MSRA: variants seen among roughly 807,000 people sequenced by gnomAD.
The protein encoded by MSRA is methionine sulfoxide reductase A.
MSRA carries 54 observed loss-of-function variants against 31.3 expected under a neutral mutation model. The observed-to-expected ratio is 1.73, with a 90% CI of 1.39 to 2.17. The LOEUF (loss-of-function observed/expected upper bound fraction) is 2.17. MSRA is among the 30% of genes most tolerant of loss of function. MSRA has a pLI of 0.00. For missense variants in MSRA, 507 were observed against 300.9 expected (o/e 1.69, Z -5.07); for synonymous variants, 169 against 116.5 (o/e 1.45, Z -2.90).
chr8:10,251,682 C>T (rs536728607), intron 3 of MSRA, among the ~76,000 whole-genome samples: 72 of 152,274 alleles, frequency 4.7e-4, no homozygotes, highest in African/African-American at 1.7e-3. Flanking sequence ...AACCATCTTC[C>T]CCACACCCAC....
At chr8:10,392,067 T>C (rs969032036) in intron 5 of MSRA, among the ~76,000 whole-genome samples, 1 of 152,162 alleles carries the variant, frequency 6.6e-6, no homozygotes. Context: ...TTGGTGGACC[T>C]CAGCCTCCCC....
intron 5 of MSRA, chr8:10,411,006 T>A (rs12156350): frequency 6.8e-6 from 1 of 148,036 alleles, no homozygotes; most frequent in African/African-American, 2.5e-5. Context: ...TTCTCGTCTT[T>A]CCTTCCTCCT....
Position 10,221,351 on chromosome 8 carries a change from G to A in MSRA, c.211+13450G>A, listed in dbSNP as rs147308399. 5.5e-4 allele frequency among the ~76,000 whole-genome samples: 83 copies of A among 151,960 alleles called. 1 individual carries two copies. The East Asian group carries it at 0.014, about 26-fold the overall frequency. On this transcript the variant is annotated intron_variant, in intron 2 of 5. Coordinates refer to ENST00000317173, the MANE Select transcript of MSRA (RefSeq NM_012331.5). Reference sequence around the variant, plus strand: ...TTTTAATCTACCTTGCAATGAAGAGGCTGTTAAACACTTGTACCAGCACCA... The same window carrying A: ...TTTTAATCTACCTTGCAATGAAGAGACTGTTAAACACTTGTACCAGCACCA...
intron 3 of MSRA, among the ~76,000 whole-genome samples, chr8:10,265,634 A>C (rs1350706601): frequency 6.6e-6 from 1 of 152,188 alleles, no homozygotes; most frequent in Non-Finnish European, 1.5e-5. Flanking sequence ...TAAAGTACAT[A>C]TTTTAAAGTG....
chr8:10,100,683 C>T, intron 1 of MSRA, among the ~76,000 whole-genome samples: 1 of 152,126 alleles, frequency 6.6e-6, no homozygotes, highest in East Asian at 1.9e-4. Flanking sequence ...ATTGTACCAC[C>T]TCTGCAAAGC....
rs555104990 is a variant in MSRA at position 10,289,215 on chromosome 8, A to G, written c.332-12319A>G. 2.8e-4 allele frequency among the ~76,000 whole-genome samples: 43 copies of G among 152,002 alleles called. 1 individual carries two copies. Among genetic ancestry groups the G allele is most frequent in the African/African-American group, 8.2e-4 (34 of 41,468 alleles). The stretch of plus-strand genomic sequence containing the variant: ...ATTTTTAGTAGAGACGGATTTCACC[A>G]TGTTGGCCAGGATGGTCTTGATATC... On this transcript the variant is annotated intron_variant, in intron 3 of 5. Coordinates refer to ENST00000317173, the MANE Select transcript of MSRA (RefSeq NM_012331.5).
intron 5 of MSRA, among the ~76,000 whole-genome samples, chr8:10,340,012 G>A (rs1803321696): frequency 2.0e-5 from 3 of 152,144 alleles, no homozygotes. Context: ...CCTTGTGTGT[G>A]TCTACAATGA....
intron 1 of MSRA, among the ~76,000 whole-genome samples, chr8:10,074,850 G>C (rs1053495268): frequency 6.6e-6 from 1 of 151,974 alleles, no homozygotes; most frequent in Non-Finnish European, 1.5e-5. Flanking sequence ...CCAGAGACGG[G>C]GGTTCACCGT....
chr8:10,356,909 A>AAT (rs796169872), intron 5 of MSRA, among the ~76,000 whole-genome samples: 2 of 77,666 alleles, frequency 2.6e-5, no homozygotes. Context: ...AAAAAAAAAA[A>AAT]ATATATGTGT....
intron 1 of MSRA, among the ~76,000 whole-genome samples, chr8:10,164,418 G>T (rs1423385790): frequency 6.6e-6 from 1 of 152,106 alleles, no homozygotes; most frequent in Non-Finnish European, 1.5e-5. Flanking sequence ...AATGCTGTTC[G>T]GTGCAAAGGA....
intron 5 of MSRA, among the ~76,000 whole-genome samples, chr8:10,356,903 AAAAAAAAT>A (rs1804541288): frequency 7.5e-6 from 1 of 132,816 alleles, no homozygotes; most frequent in Non-Finnish European, 1.6e-5. Context: ...AAAAAAAAAA[AAAAAAAAT>A]ATATGTGTCT....
At chr8:10,079,846 T>C (rs1798193566) in intron 1 of MSRA, among the ~76,000 whole-genome samples, 1 of 152,210 alleles carries the variant, frequency 6.6e-6, no homozygotes, top group African/African-American at 2.4e-5. Flanking sequence ...TTGCTATTAA[T>C]TTGCTGTGCA....
At chr8:10,333,135 T>A (rs765238141) in intron 5 of MSRA, among the ~76,000 whole-genome samples, 3 of 152,134 alleles carry the variant, frequency 2.0e-5, no homozygotes, top group Non-Finnish European at 4.4e-5. Flanking sequence ...CACAAAATAA[T>A]CCTGGCCAAC....
At chr8:10,214,132 G>C (rs912301050) in intron 2 of MSRA, among the ~76,000 whole-genome samples, 1 of 152,146 alleles carries the variant, frequency 6.6e-6, no homozygotes, top group Non-Finnish European at 1.5e-5. Context: ...CAAAAGCCAA[G>C]CCGAGGACTT....
At chr8:10,282,788 G>A (rs13280914) in intron 3 of MSRA, among the ~76,000 whole-genome samples, 15 of 152,208 alleles carry the variant, frequency 9.9e-5, no homozygotes, top group Non-Finnish European at 1.6e-4. Flanking sequence ...GCACCTTCTT[G>A]ACACCAAATC....
chr8:10,376,028 C>A (rs576446330), intron 5 of MSRA, among the ~76,000 whole-genome samples: 6 of 152,144 alleles, frequency 3.9e-5, no homozygotes, highest in East Asian at 1.9e-4. Context: ...TCAGGACTTT[C>A]CTCTGAAGGG....
At chr8:10,066,679 A>G (rs1357699354) in intron 1 of MSRA, among the ~76,000 whole-genome samples, 2 of 152,098 alleles carry the variant, frequency 1.3e-5, no homozygotes, top group Non-Finnish European at 2.9e-5. Context: ...GATTACAGGC[A>G]TCCGTCACCA....
intron 5 of MSRA, among the ~76,000 whole-genome samples, chr8:10,329,370 C>G (rs1374478777): frequency 6.6e-6 from 1 of 152,226 alleles, no homozygotes; most frequent in African/African-American, 2.4e-5. Context: ...TGGCCTGTGG[C>G]TGCATCACTC....
At chr8:10,362,871 C>G (rs1302253983) in intron 5 of MSRA, among the ~76,000 whole-genome samples, 2 of 151,934 alleles carry the variant, frequency 1.3e-5, no homozygotes, top group Admixed American at 6.6e-5. Flanking sequence ...CTGGCCCCAG[C>G]TCTCCTGCTC....
Sources: allele counts gnomAD v4.1 joint callset (sites outside exome capture counted in the v4.1 genomes callset), GRCh38; gene constraint gnomAD v4.1.1; transcripts MANE v1.5; gene names NCBI Gene and HGNC (gene_info 2026-07-23, HGNC 2026-07-21).